Variants in SDK2 observed in about 807,000 individuals in gnomAD.
The protein encoded by SDK2 is sidekick cell adhesion molecule 2, also known as protein sidekick-2.
In SDK2, 105 loss-of-function variants were observed where a neutral mutation model predicts 253.9. The ratio of observed to expected loss-of-function variants is 0.41; its 90% CI spans 0.35 to 0.49. The LOEUF (loss-of-function observed/expected upper bound fraction) is 0.49. Ranked by LOEUF, SDK2 falls within the 20% of genes least tolerant of loss-of-function variation. The pLI is 0.06. For missense variants in SDK2, 2,608 were observed against 3,003.0 expected, an observed-to-expected ratio of 0.87 and a Z score of 3.07; for synonymous variants, 1,249 against 1,234.9, an observed-to-expected ratio of 1.01 and a Z score of -0.24.
intron 17 of SDK2, among the ~76,000 whole-genome samples, chr17:73,415,434 C>T (rs116650958): frequency 6.7e-6 from 1 of 149,274 alleles, no homozygotes; most frequent in Admixed American, 6.7e-5. Context: ...CTCATTGCAG[C>T]CTTAACTTCC....
intron 1 of SDK2, chr17:73,519,339 G>A (rs1483083772): frequency 6.6e-6 from 1 of 152,392 alleles, no homozygotes; most frequent in East Asian, 1.9e-4. Flanking sequence ...GCTAGGGGCA[G>A]TGGCTCTGAC....
intron 1 of SDK2, among the ~76,000 whole-genome samples, chr17:73,637,084 T>C (rs1236140977): frequency 2.6e-5 from 4 of 152,096 alleles, no homozygotes; most frequent in Non-Finnish European, 4.4e-5. Context: ...CTTAACAGCT[T>C]AAGGGGGAAT....
At chr17:73,499,250 CG>C (rs1803638962) in intron 2 of SDK2, among the ~76,000 whole-genome samples, 3 of 152,260 alleles carry the variant, frequency 2.0e-5, no homozygotes, top group Admixed American at 2.0e-4. Context: ...AGTGGCTCCG[CG>C]TGCGTCCCCT....
intron 1 of SDK2, among the ~76,000 whole-genome samples, chr17:73,522,898 C>A (rs79412542): frequency 2.0e-5 from 3 of 152,132 alleles, no homozygotes; most frequent in African/African-American, 4.8e-5. Context: ...GCTCCTCTTG[C>A]GGGTGGGATG....
In SDK2 at chr17:73,618,822, A is replaced by T. The variant is rs929368492; in HGVS notation, c.64+25203T>A. On this transcript the variant is annotated intron_variant, in intron 1 of 44. Coordinates refer to ENST00000392650, the MANE Select transcript of SDK2 (RefSeq NM_001144952.2). The surrounding 1 kb of genome is among the most constrained non-coding windows in gnomAD (Gnocchi z 4.1). Reference sequence around the variant, plus strand: ...GCACAGCAGAGCAAATGCCTACCAGAGCACAAAACCCACAGCTAACAACTA... The same window carrying T: ...GCACAGCAGAGCAAATGCCTACCAGTGCACAAAACCCACAGCTAACAACTA... 3.9e-5 allele frequency among the ~76,000 whole-genome samples: 6 copies of T among 152,194 alleles called. No individual in the cohort carries two copies. The highest frequency in any genetic ancestry group is 1.4e-4 in the African/African-American group (6 of 41,446).
rs892369677 is a variant in SDK2 at position 73,534,599 on chromosome 17, G to C, written c.65-27002C>G. ...GAGCGCGAGACCAGCAAGGCAGCAG[G>C]GAAGGCCGGTGGAGGGGAGGCAGAG... On this transcript the variant is annotated intron_variant, in intron 1 of 44. Coordinates refer to ENST00000392650, the MANE Select transcript of SDK2 (RefSeq NM_001144952.2). This position sits in a 1 kb window ranked among gnomAD's most constrained non-coding sequence, Gnocchi z 4.9. Among the ~76,000 whole-genome samples the C allele has an allele frequency of 2.0e-5, 3 of 152,178 alleles. No homozygotes were observed. Among genetic ancestry groups the C allele is most frequent in the Non-Finnish European group, 2.9e-5 (2 of 68,020 alleles).
At chr17:73,355,172 A>ATTTTT (rs1450719562) in intron 40 of SDK2, among the ~76,000 whole-genome samples, 1 of 23,322 alleles carries the variant, frequency 4.3e-5, no homozygotes, top group Non-Finnish European at 7.1e-5. Flanking sequence ...ATATATATAT[A>ATTTTT]TATTTTTTTT....
Position 73,420,464 on chromosome 17 carries a change from G to A in SDK2, c.2046-1158C>T, listed in dbSNP as rs896130904. 4.1e-5 allele frequency among the ~76,000 whole-genome samples: 6 copies of A among 147,082 alleles called. No homozygotes were observed. In the South Asian group the frequency reaches 8.7e-4, roughly 21 times the overall value. ...CTCCTGCCTCAGCCTCAAGAGTAGC[G>A]GGATTATGGGTGCCTGCCACCAGGG... On this transcript the variant is annotated intron_variant, in intron 15 of 44. Coordinates refer to ENST00000392650, the MANE Select transcript of SDK2 (RefSeq NM_001144952.2).
intron 1 of SDK2, among the ~76,000 whole-genome samples, chr17:73,549,925 A>G (rs1024266682): frequency 2.6e-5 from 4 of 152,098 alleles, no homozygotes; most frequent in African/African-American, 9.7e-5. Flanking sequence ...AACCAGGTGG[A>G]GGGGTGGTGG....
chr17:73,561,233 A>G (rs1448316263), intron 1 of SDK2, among the ~76,000 whole-genome samples: 1 of 152,138 alleles, frequency 6.6e-6, no homozygotes, highest in Non-Finnish European at 1.5e-5. Flanking sequence ...GGAGACAATT[A>G]CGGGGTTGGT....
intron 1 of SDK2, among the ~76,000 whole-genome samples, chr17:73,521,597 C>A (rs1002249619): frequency 2.0e-5 from 3 of 152,142 alleles, no homozygotes; most frequent in Non-Finnish European, 4.4e-5. Context: ...TGTGTGGGCT[C>A]AGGCGCTGGG....
chr17:73,388,764 C>T (rs1294499997), intron 29 of SDK2, among the ~76,000 whole-genome samples: 1 of 71,760 alleles, frequency 1.4e-5, no homozygotes, highest in East Asian at 3.8e-4. Flanking sequence ...TTCCTTCCTT[C>T]CCTCCCTCTC....
chr17:73,343,232 A>T (rs2062454601), intron 44 of SDK2, among the ~76,000 whole-genome samples: 1 of 152,210 alleles, frequency 6.6e-6, no homozygotes, highest in Non-Finnish European at 1.5e-5. Flanking sequence ...CGGGGATGGA[A>T]GGCACTAGAA....
chr17:73,430,534 G>T lies in SDK2; in HGVS notation c.1560C>A (p.Thr520=). The T allele has an allele frequency of 6.2e-7, 1 of 1,609,140 alleles. No individual in the cohort carries two copies. The highest frequency in any genetic ancestry group is 8.5e-7 in the Non-Finnish European group (1 of 1,177,556). ...GTQASMVCGV[T]HDPRVTIRYI... ...ACCTGATGGTTACTCGGGGGTCGTGGGTCACTCCGCACACCATGGAGGCCT... is the reference window on the plus strand; with the variant it reads ...ACCTGATGGTTACTCGGGGGTCGTGTGTCACTCCGCACACCATGGAGGCCT... Residue 520 remains threonine (T), a synonymous_variant, in exon 12 of 45, where the codon ACC becomes ACA. Coordinates refer to ENST00000392650, the MANE Select transcript of SDK2 (RefSeq NM_001144952.2).
intron 40 of SDK2, among the ~76,000 whole-genome samples, chr17:73,356,149 G>GC (rs1743511747): frequency 6.6e-6 from 1 of 152,180 alleles, no homozygotes; most frequent in Admixed American, 6.5e-5. Context: ...ACTGCCTGGG[G>GC]CCACCTCATT....
chr17:73,338,361 C>G lies in SDK2; in HGVS notation c.*226G>C. 1.5e-6 allele frequency: 1 copy of G among 678,196 alleles called. No individual in the cohort carries two copies. Among genetic ancestry groups the G allele is most frequent in the South Asian group, 1.5e-5 (1 of 66,528 alleles). 42.0% of individuals were successfully genotyped at this position (678,196 alleles called of 1,614,324 possible). ...GTAATTCCCAAGGGAGCAGTGAACCCCACCATCTCAAAGCTGAAGAGCTGC... is the reference window on the plus strand; with the variant it reads ...GTAATTCCCAAGGGAGCAGTGAACCGCACCATCTCAAAGCTGAAGAGCTGC... On this transcript the variant is annotated 3_prime_UTR_variant, in exon 45 of 45. Coordinates refer to ENST00000392650, the MANE Select transcript of SDK2 (RefSeq NM_001144952.2). This position sits in a 1 kb window ranked among gnomAD's most constrained non-coding sequence, Gnocchi z 5.0.
In SDK2 at chr17:73,374,791, G is replaced by A. The variant is rs181764092; in HGVS notation, c.4980+4386C>T. On this transcript the variant is annotated intron_variant, in intron 36 of 44. Coordinates refer to ENST00000392650, the MANE Select transcript of SDK2 (RefSeq NM_001144952.2). Reference sequence around the variant, plus strand: ...CCTGATTTGTTAGCAAATTCTACCAGCTCTGCTGTTGGGACTAACTGAGAG... The same window carrying A: ...CCTGATTTGTTAGCAAATTCTACCAACTCTGCTGTTGGGACTAACTGAGAG... Among the ~76,000 whole-genome samples, 10 of 152,160 alleles carry A rather than the reference G, an allele frequency of 6.6e-5. No homozygotes were observed. The East Asian group carries it at 1.7e-3, about 26-fold the overall frequency.
At chr17:73,444,087 G>A (rs2063434854) in intron 5 of SDK2, among the ~76,000 whole-genome samples, 1 of 152,186 alleles carries the variant, frequency 6.6e-6, no homozygotes. Flanking sequence ...TACACAGTAG[G>A]TGCTCAATAA....
chr17:73,607,775 A>T (rs2045926036), intron 1 of SDK2, among the ~76,000 whole-genome samples: 1 of 152,082 alleles, frequency 6.6e-6, no homozygotes, highest in Admixed American at 6.5e-5. Context: ...GCTTCTGTAG[A>T]AAAGGCTTTT....
Sources: gnomAD v4.1 joint callset for allele counts (sites outside exome capture counted in the v4.1 genomes callset) on GRCh38, gnomAD v4.1.1 for gene constraint, Gnocchi (gnomAD v3.1) non-coding constraint, MANE v1.5 for transcripts, NCBI Gene and HGNC (gene_info 2026-07-23, HGNC 2026-07-21) for gene names.